KCNB2: variants seen among roughly 807,000 people sequenced by gnomAD.
The protein encoded by KCNB2 is potassium voltage-gated channel subfamily B member 2, also known as delayed rectifier potassium channel protein.
KCNB2 carries 15 observed loss-of-function variants against 61.5 expected under a neutral mutation model. That is an observed-to-expected ratio of 0.24 (90% CI 0.16 to 0.38). The LOEUF (loss-of-function observed/expected upper bound fraction) is 0.38, where lower values mean the gene tolerates loss of function less well. KCNB2 is among the 10% of genes least tolerant of loss of function. The probability of loss-of-function intolerance (pLI) is 1.00; values close to 1 mark genes in which losing one functional copy is unlikely to be tolerated. For synonymous variants in KCNB2, 457 were observed against 446.0 expected, an observed-to-expected ratio of 1.02 and a Z score of -0.31; for missense variants, 828 against 1,125.2, an observed-to-expected ratio of 0.74 and a Z score of 3.78.
chr8:72,627,499 C>T (rs1484886134), intron 2 of KCNB2, among the ~76,000 whole-genome samples: 1 of 152,148 alleles, frequency 6.6e-6, no homozygotes, highest in Non-Finnish European at 1.5e-5. Flanking sequence ...GAAATTGTCC[C>T]AACACATTTT....
intron 2 of KCNB2, among the ~76,000 whole-genome samples, chr8:72,829,495 C>T (rs185764256): frequency 5.9e-4 from 90 of 152,314 alleles, no homozygotes; most frequent in Admixed American, 1.8e-3. Context: ...AATATTTGCA[C>T]AGGCGTTCAT....
chr8:72,595,667 G>A (rs1807178147), intron 2 of KCNB2, among the ~76,000 whole-genome samples: 1 of 152,038 alleles, frequency 6.6e-6, no homozygotes, highest in South Asian at 2.1e-4. Flanking sequence ...CACCTCATAT[G>A]TCCCTAGCTC....
At chr8:72,861,318 T>C (rs772113881) in intron 2 of KCNB2, among the ~76,000 whole-genome samples, 13 of 152,252 alleles carry the variant, frequency 8.5e-5, no homozygotes, top group Non-Finnish European at 1.8e-4. Flanking sequence ...TTTGTTATAA[T>C]GCAATTTTGG....
rs1809823159 is a variant in KCNB2, at chr8:72,838,589, T to A, written c.580-97346T>A. ...ATAAACATACGTGTGCATGTGTCTTTATAGCAGCATGATTTATAATCCTTT... is the reference window on the plus strand; with the variant it reads ...ATAAACATACGTGTGCATGTGTCTTAATAGCAGCATGATTTATAATCCTTT... On this transcript the variant is annotated intron_variant, in intron 2 of 2. Transcript: ENST00000523207. Among the ~76,000 whole-genome samples the A allele has an allele frequency of 1.3e-5, 2 of 152,236 alleles. 1 individual carries two copies. The highest frequency in any genetic ancestry group is 4.1e-4 in the South Asian group (2 of 4,832).
intron 2 of KCNB2, among the ~76,000 whole-genome samples, chr8:72,658,558 A>G (rs942318668): frequency 6.6e-6 from 1 of 152,236 alleles, no homozygotes; most frequent in Non-Finnish European, 1.5e-5. Flanking sequence ...AGGTGGCTAC[A>G]CTAAACAACA....
intron 2 of KCNB2, among the ~76,000 whole-genome samples, chr8:72,613,510 AC>A (rs1206349117): frequency 1.3e-5 from 2 of 152,218 alleles, no homozygotes; most frequent in African/African-American, 4.8e-5. Flanking sequence ...CTTGGAAGAA[AC>A]AAAATATAAA....
intron 2 of KCNB2, among the ~76,000 whole-genome samples, chr8:72,836,542 C>T (rs1809785070): frequency 6.6e-6 from 1 of 152,146 alleles, no homozygotes; most frequent in Non-Finnish European, 1.5e-5. Flanking sequence ...ATGGCTACCC[C>T]ATGCCAAAGA....
At chr8:72,550,559 G>A (rs1336931828) in intron 1 of KCNB2, among the ~76,000 whole-genome samples, 5 of 152,214 alleles carry the variant, frequency 3.3e-5, no homozygotes, top group Non-Finnish European at 1.5e-5. Context: ...CATGCAGGCT[G>A]TGGTGTGCTA....
intron 2 of KCNB2, among the ~76,000 whole-genome samples, chr8:72,792,245 G>T (rs1808957686): frequency 6.6e-6 from 1 of 152,096 alleles, no homozygotes; most frequent in African/African-American, 2.4e-5. Context: ...AAACCCCTTT[G>T]TGCCTCTCAG....
In KCNB2 at chr8:72,568,748, G is replaced by T. The variant is rs150905529; in HGVS notation, c.579+435G>T. Among the ~76,000 whole-genome samples the T allele has an allele frequency of 2.6e-4, 40 of 152,262 alleles. No homozygotes were observed. In the East Asian group the frequency reaches 6.8e-3, roughly 26 times the overall value. On this transcript the variant is annotated intron_variant, in intron 2 of 2. Coordinates refer to ENST00000523207, the MANE Select transcript of KCNB2 (RefSeq NM_004770.3). ...TACCTCTTAGCCTGGCTATGTAGAG[G>T]TTCAAGGAAAGAGAGGAGAGCATGG... is the stretch of plus-strand genomic sequence containing the variant.
intron 2 of KCNB2, among the ~76,000 whole-genome samples, chr8:72,707,619 C>G: frequency 6.6e-6 from 1 of 152,166 alleles, no homozygotes; most frequent in East Asian, 1.9e-4. Flanking sequence ...GAAGTCCTGC[C>G]AACATTCAAC....
intron 1 of KCNB2, among the ~76,000 whole-genome samples, chr8:72,545,610 C>A (rs896764437): frequency 2.0e-5 from 3 of 151,986 alleles, no homozygotes; most frequent in African/African-American, 7.3e-5. Flanking sequence ...TCCCTGTTCC[C>A]TGAGACACAA....
intron 1 of KCNB2, among the ~76,000 whole-genome samples, chr8:72,541,692 G>GAAA (rs1387535264): frequency 1.3e-5 from 2 of 152,088 alleles, no homozygotes; most frequent in African/African-American, 4.8e-5. Flanking sequence ...AAATAAGAAG[G>GAAA]TAGTTTAGAT....
At chr8:72,934,393 G>A (rs1008240063) in intron 2 of KCNB2, among the ~76,000 whole-genome samples, 34 of 26,534 alleles carry the variant, frequency 1.3e-3, no homozygotes, top group African/African-American at 3.2e-3. Flanking sequence ...TTCACCCCCC[G>A]CAAAAAAAAA....
At chr8:72,772,599 C>T (rs979490510) in intron 2 of KCNB2, among the ~76,000 whole-genome samples, 2 of 150,838 alleles carry the variant, frequency 1.3e-5, no homozygotes, top group Non-Finnish European at 3.0e-5. Flanking sequence ...CCCAGAAGAC[C>T]TTCTTATTCT....
chr8:72,673,511 C>T (rs1325168570), intron 2 of KCNB2, among the ~76,000 whole-genome samples: 1 of 152,170 alleles, frequency 6.6e-6, no homozygotes, highest in Non-Finnish European at 1.5e-5. Context: ...TCAATTAAAC[C>T]TCTTTCCTTT....
At chr8:72,716,294 C>T (rs908540576) in intron 2 of KCNB2, among the ~76,000 whole-genome samples, 1 of 152,092 alleles carries the variant, frequency 6.6e-6, no homozygotes, top group Non-Finnish European at 1.5e-5. Flanking sequence ...AACAGGGAAT[C>T]CTCCCTAACT....
intron 2 of KCNB2, among the ~76,000 whole-genome samples, chr8:72,846,226 A>T (rs892771257): frequency 1.3e-5 from 2 of 152,124 alleles, no homozygotes; most frequent in Non-Finnish European, 2.9e-5. Flanking sequence ...TGTGCTTCCC[A>T]GGTAAGGCGA....
chr8:72,736,997 C>A (rs1003112403), intron 2 of KCNB2, among the ~76,000 whole-genome samples: 1 of 150,658 alleles, frequency 6.6e-6, no homozygotes, highest in Admixed American at 6.6e-5. Context: ...TATAATTGTG[C>A]TTTACAATTG....
Sources: allele counts gnomAD v4.1 joint callset (sites outside exome capture counted in the v4.1 genomes callset), GRCh38; gene constraint gnomAD v4.1.1; transcripts MANE v1.5; gene names NCBI Gene and HGNC (gene_info 2026-07-23, HGNC 2026-07-21).